Variants in STAMBP observed in about 807,000 individuals in gnomAD.
STAMBP encodes STAM-binding protein.
STAMBP carries 31 observed loss-of-function variants against 50.7 expected under a neutral mutation model. The observed-to-expected ratio is 0.61, with a 90% CI of 0.46 to 0.83. The LOEUF is 0.83. STAMBP is among the 40% of genes least tolerant of loss of function. The pLI is 0.00. For synonymous variants in STAMBP, 211 were observed against 192.4 expected (o/e 1.10, Z -0.80); for missense variants, 472 against 518.9 (o/e 0.91, Z 0.88).
chr2:73,862,548 C>T lies in STAMBP; in HGVS notation c.*289C>T, dbSNP rs998398678. 2 of 217,486 alleles carry T rather than the reference C, an allele frequency of 9.2e-6. No homozygotes were observed. The highest frequency in any genetic ancestry group is 9.6e-5 in the East Asian group (1 of 10,372). 13.5% of individuals were successfully genotyped at this position (217,486 alleles called of 1,614,324 possible). On this transcript the variant is annotated 3_prime_UTR_variant, in exon 10 of 10. Transcript: ENST00000394070. ...TTAAGAAAGAATGGTATAATGAACC[C>T]CCATATACCCTTCCTTCTGGATTCA... is the stretch of plus-strand genomic sequence containing the variant.
rs1257090570 is a variant in STAMBP, at chr2:73,859,382, A to G, written c.1118+16A>G. The G allele has an allele frequency of 1.9e-6, 3 of 1,603,564 alleles. No individual in the cohort carries two copies. Among genetic ancestry groups the G allele is most frequent in the South Asian group, 2.2e-5 (2 of 90,878 alleles). On this transcript the variant is annotated intron_variant, in intron 8 of 9. Transcript: ENST00000394070. Reference sequence around the variant, plus strand: ...AGTTCCAGGAGTGAGTATAGAGGGCATGGTTCTGGGTGTTTCAAGGGGGTA... The same window carrying G: ...AGTTCCAGGAGTGAGTATAGAGGGCGTGGTTCTGGGTGTTTCAAGGGGGTA...
chr2:73,838,201 T>G (rs1489784278), intron 2 of STAMBP, among the ~76,000 whole-genome samples: 1 of 152,116 alleles, frequency 6.6e-6, no homozygotes, highest in Non-Finnish European at 1.5e-5. Flanking sequence ...AGAGTAAAAA[T>G]TTTTGGTTTT....
rs893712256 is a variant in STAMBP at position 73,872,898 on chromosome 2, C to T, written c.*46-454C>T. ...CAGGAATAAAGTAAAACACGTAAAC[C>T]GTGATTACTTACATTCCTACCGTGG... is the stretch of plus-strand genomic sequence containing the variant. On this transcript the variant is annotated intron_variant, in intron 10 of 10. Coordinates refer to the STAMBP transcript ENST00000409707. 7.9e-5 allele frequency among the ~76,000 whole-genome samples: 12 copies of T among 152,140 alleles called. 1 individual carries two copies. Among genetic ancestry groups the T allele is most frequent in the African/African-American group, 2.2e-4 (9 of 41,510 alleles).
Position 73,847,599 on chromosome 2 carries a change from A to G in STAMBP, c.588A>G (p.Leu196=). The change falls in exon 5 of 10, where the codon CTA becomes CTG. Residue 196 remains leucine (L), a synonymous_variant. Transcript: ENST00000394070. ...TAGACCCTGGCCTAGGTGGCCCGCTAGTGCCTGACTTGGAGAAGCCCTCCT... is the reference window on the plus strand; with the variant it reads ...TAGACCCTGGCCTAGGTGGCCCGCTGGTGCCTGACTTGGAGAAGCCCTCCT... ...GKVDPGLGGP[L]VPDLEKPSLD... 5 of 1,614,216 alleles carry G rather than the reference A, an allele frequency of 3.1e-6. No individual in the cohort carries two copies. Among genetic ancestry groups the G allele is most frequent in the Non-Finnish European group, 4.2e-6 (5 of 1,180,034 alleles).
intron 2 of STAMBP, among the ~76,000 whole-genome samples, chr2:73,840,032 C>A (rs1269709048): frequency 6.6e-6 from 1 of 152,172 alleles, no homozygotes; most frequent in East Asian, 1.9e-4. Flanking sequence ...AAATTTCAAC[C>A]ATTCCCCTAT....
chr2:73,857,938 C>T (rs1192987641), intron 7 of STAMBP, among the ~76,000 whole-genome samples: 4 of 151,916 alleles, frequency 2.6e-5, no homozygotes, highest in Non-Finnish European at 4.4e-5. Context: ...TATCCTTCAC[C>T]ACAGACAGCT....
At chr2:73,833,439 A>G (rs1674207504) in intron 2 of STAMBP, among the ~76,000 whole-genome samples, 1 of 152,128 alleles carries the variant, frequency 6.6e-6, no homozygotes, top group South Asian at 2.1e-4. Flanking sequence ...GTTTGCTGTT[A>G]TGAGTTTTTC....
Position 73,862,468 on chromosome 2 carries a change from C to A in STAMBP, c.*209C>A. 1 of 374,178 alleles carries A rather than the reference C, an allele frequency of 2.7e-6. No individual in the cohort carries two copies. The highest frequency in any genetic ancestry group is 4.8e-6 in the Non-Finnish European group (1 of 206,848). The allele number at this position is 374,178 out of a possible 1,614,324, so 23.2% of individuals were successfully genotyped here. A position where few individuals can be genotyped will look rare whatever the true frequency, so the allele number is the denominator to read the frequency against. ...AAGTCAGAAAGAGAACATGGTCACC[C>A]AAAAGCAACTGTAACTCAGAAATTA... On this transcript the variant is annotated 3_prime_UTR_variant, in exon 10 of 10. Coordinates refer to ENST00000394070, the MANE Select transcript of STAMBP (RefSeq NM_213622.4).
At chr2:73,839,714 T>C (rs1481841779) in intron 2 of STAMBP, among the ~76,000 whole-genome samples, 1 of 152,218 alleles carries the variant, frequency 6.6e-6, no homozygotes, top group Non-Finnish European at 1.5e-5. Flanking sequence ...AGAAGTCTCA[T>C]CTATCAGAGG....
At chr2:73,849,558 C>T (rs1676550037) in intron 6 of STAMBP, 71 bp downstream of exon 6, 1 of 1,515,168 alleles carries the variant, frequency 6.6e-7, no homozygotes, top group Admixed American at 2.2e-5. Flanking sequence ...CATCCTGTGA[C>T]TCTCAGAGAA....
At chr2:73,834,154 T>C (rs1198128763) in intron 2 of STAMBP, among the ~76,000 whole-genome samples, 17 of 137,080 alleles carry the variant, frequency 1.2e-4, no homozygotes, top group African/African-American at 4.1e-4. Context: ...GAGGTTGCAG[T>C]GAGCCGAGAT....
rs559958266 is a variant in STAMBP, at chr2:73,863,760, C to G, written c.*1501C>G. On this transcript the variant is annotated 3_prime_UTR_variant, in exon 10 of 10. Coordinates refer to ENST00000394070, the MANE Select transcript of STAMBP (RefSeq NM_213622.4). ...GTCCTCTGCTTTTGGGAAATCCATC[C>G]CCTTCTTCCCATTCTTTGTCTACCA... 6.6e-6 allele frequency: 1 copy of G among 152,366 alleles called. No homozygotes were observed. The highest frequency in any genetic ancestry group is 2.1e-4 in the South Asian group (1 of 4,828). The allele number at this position is 152,366 out of a possible 1,614,324, so 9.4% of individuals were successfully genotyped here.
intron 6 of STAMBP, among the ~76,000 whole-genome samples, chr2:73,849,997 G>A (rs1440736952): frequency 1.3e-5 from 2 of 152,214 alleles, no homozygotes; most frequent in Non-Finnish European, 2.9e-5. Flanking sequence ...GTAAATGTAA[G>A]CCGAGGCTTA....
chr2:73,846,388 C>T (rs569851838), intron 4 of STAMBP, among the ~76,000 whole-genome samples: 6 of 151,644 alleles, frequency 4.0e-5, no homozygotes, highest in Admixed American at 3.3e-4. Context: ...ATCGCTTGAG[C>T]CCAGGAGTTC....
chr2:73,834,599 C>T (rs545185460), intron 2 of STAMBP, among the ~76,000 whole-genome samples: 1 of 151,856 alleles, frequency 6.6e-6, no homozygotes, highest in South Asian at 2.1e-4. Flanking sequence ...AGAAGTAAAT[C>T]CGTGTATAAA....
At chr2:73,835,353 CAAAA>C (rs71406834) in intron 2 of STAMBP, among the ~76,000 whole-genome samples, 4 of 87,386 alleles carry the variant, frequency 4.6e-5, no homozygotes, top group Non-Finnish European at 4.7e-5. Context: ...GACTCGGTCT[CAAAA>C]AAAAAAAAAA....
chr2:73,869,719 G>A (rs1452836538), downstream of STAMBP, among the ~76,000 whole-genome samples: 1 of 151,418 alleles, frequency 6.6e-6, no homozygotes, highest in Non-Finnish European at 1.5e-5. Context: ...AAAACTTAAA[G>A]TATAATAATA....
downstream of STAMBP, among the ~76,000 whole-genome samples, chr2:73,869,631 C>T (rs1325413257): frequency 2.0e-5 from 3 of 151,946 alleles, no homozygotes; most frequent in Non-Finnish European, 2.9e-5. Context: ...TGCTAAATGA[C>T]GAGTTAATGG....
intron 4 of STAMBP, among the ~76,000 whole-genome samples, chr2:73,847,131 A>G (rs1238588817): frequency 6.6e-6 from 1 of 151,236 alleles, no homozygotes; most frequent in Non-Finnish European, 1.5e-5. Flanking sequence ...CATTAGGTAG[A>G]GTCATTGTCG....
Sources: allele counts gnomAD v4.1 joint callset (sites outside exome capture counted in the v4.1 genomes callset), GRCh38; gene constraint gnomAD v4.1.1; transcripts MANE v1.5; gene names NCBI Gene and HGNC (gene_info 2026-07-23, HGNC 2026-07-21).